ZBTB7C: variants seen among roughly 807,000 people sequenced by gnomAD.
ZBTB7C encodes the protein zinc finger and BTB domain-containing protein 7C.
In ZBTB7C, 8 loss-of-function variants were observed where a neutral mutation model predicts 25.7. That is an observed-to-expected ratio of 0.31 (90% CI 0.18 to 0.56). ZBTB7C has a LOEUF of 0.56. Ranked by LOEUF, ZBTB7C falls within the 20% of genes least tolerant of loss-of-function variation. The pLI is 0.91. For missense variants in ZBTB7C, 824 were observed against 855.2 expected, an observed-to-expected ratio of 0.96 and a Z score of 0.46; for synonymous variants, 394 against 369.0, an observed-to-expected ratio of 1.07 and a Z score of -0.78.
intron 1 of ZBTB7C, among the ~76,000 whole-genome samples, chr18:48,384,960 G>A (rs763875417): frequency 6.6e-6 from 1 of 152,204 alleles, no homozygotes; most frequent in African/African-American, 2.4e-5. Context: ...GGGATTACAG[G>A]CATGAGCCAC....
At chr18:48,226,153 C>T (rs2043086528) in intron 2 of ZBTB7C, among the ~76,000 whole-genome samples, 1 of 152,208 alleles carries the variant, frequency 6.6e-6, no homozygotes, top group Non-Finnish European at 1.5e-5. Context: ...CCATGTGGAG[C>T]CCAGCCCAAG....
intron 1 of ZBTB7C, among the ~76,000 whole-genome samples, chr18:48,355,575 GC>G (rs761654941): frequency 2.4e-4 from 37 of 152,258 alleles, no homozygotes; most frequent in Admixed American, 5.2e-4. Flanking sequence ...GGGCTTCCCA[GC>G]CTGCACACTA....
rs2047387730 is a variant in ZBTB7C, at chr18:48,371,532, T to C, written c.-303-33134A>G. ...CCTCCTGGCTGCCGGTTTTGGGACA[T>C]TTGTCCCTTAGCCTGGCATAAGAGC... is the stretch of plus-strand genomic sequence containing the variant. On this transcript the variant is annotated intron_variant, in intron 1 of 4. Coordinates refer to ENST00000590800, the MANE Select transcript of ZBTB7C (RefSeq NM_001318841.2). Among the ~76,000 whole-genome samples, 2 of 152,156 alleles carry C rather than the reference T, an allele frequency of 1.3e-5. 1 individual carries two copies. The highest frequency in any genetic ancestry group is 4.1e-4 in the South Asian group (2 of 4,824).
At position 48,157,625 on chromosome 18, in the gene ZBTB7C, C is replaced by T. The variant is rs577650412; in HGVS notation, c.-17+28309G>A. Among the ~76,000 whole-genome samples the T allele has an allele frequency of 3.3e-5, 5 of 152,272 alleles. No individual in the cohort carries two copies. In the East Asian group the frequency reaches 9.6e-4, roughly 29 times the overall value. On this transcript the variant is annotated intron_variant, in intron 3 of 4. Coordinates refer to ENST00000590800, the MANE Select transcript of ZBTB7C (RefSeq NM_001318841.2). ...GAAAGACAGCACTTAACAGCAGGGA[C>T]TCGAAGGCAGACTCTGCATCCTGGC...
intron 3 of ZBTB7C, among the ~76,000 whole-genome samples, chr18:48,176,336 G>C (rs2041677003): frequency 6.6e-6 from 1 of 152,212 alleles, no homozygotes; most frequent in African/African-American, 2.4e-5. Context: ...ACAAAGAAAG[G>C]CTGTGAAAAG....
At chr18:48,160,145 G>T (rs2040959243) in intron 3 of ZBTB7C, among the ~76,000 whole-genome samples, 1 of 152,180 alleles carries the variant, frequency 6.6e-6, no homozygotes, top group Non-Finnish European at 1.5e-5. Context: ...CAAAGATGAT[G>T]CCAGGCTCCG....
At chr18:48,316,956 C>G (rs770874051) in intron 2 of ZBTB7C, among the ~76,000 whole-genome samples, 1 of 152,178 alleles carries the variant, frequency 6.6e-6, no homozygotes. Flanking sequence ...AAATAATTCA[C>G]GCGAACTTGT....
chr18:48,405,138 G>C (rs1356183725), intron 1 of ZBTB7C, among the ~76,000 whole-genome samples: 2 of 151,952 alleles, frequency 1.3e-5, no homozygotes, highest in Admixed American at 1.3e-4. Flanking sequence ...ACCAACCCAG[G>C]GAAAAAATCT....
chr18:48,307,447 T>C (rs1456781103), intron 2 of ZBTB7C, among the ~76,000 whole-genome samples: 1 of 152,266 alleles, frequency 6.6e-6, no homozygotes, highest in Non-Finnish European at 1.5e-5. Context: ...CATGCCAAGA[T>C]GGGCTACCAA....
intron 3 of ZBTB7C, chr18:48,180,237 T>C: frequency 2.7e-6 from 1 of 375,720 alleles, no homozygotes; most frequent in Non-Finnish European, 5.4e-6. Context: ...CTTCCCTCCT[T>C]CCTTCCTTCC....
intron 3 of ZBTB7C, among the ~76,000 whole-genome samples, chr18:48,175,102 T>A (rs1455332056): frequency 6.6e-6 from 1 of 152,134 alleles, no homozygotes; most frequent in Non-Finnish European, 1.5e-5. Context: ...TTTTTAAAAA[T>A]TAATTTAATA....
chr18:48,328,181 C>CA (rs55654378), intron 2 of ZBTB7C, among the ~76,000 whole-genome samples: 1,505 of 58,012 alleles, frequency 0.026, 31 homozygotes, highest in African/African-American at 0.057. Context: ...GACTCTGTCT[C>CA]AAAAAAAAAA....
At chr18:48,336,254 A>C (rs537594889) in intron 2 of ZBTB7C, among the ~76,000 whole-genome samples, 387 of 152,124 alleles carry the variant, frequency 2.5e-3, no homozygotes, top group Non-Finnish European at 3.8e-3. Context: ...CAGGCCCCCA[A>C]CCCTGTTAGC....
chr18:48,029,266 G>C lies in ZBTB7C; in HGVS notation c.1854C>G (p.Asn618Lys), dbSNP rs2035619300. 1 of 1,537,922 alleles carries C rather than the reference G, an allele frequency of 6.5e-7. No individual in the cohort carries two copies. The change falls in exon 5 of 5, where the codon AAC becomes AAG. Residue 618 changes from asparagine to lysine, a missense_variant. Physicochemically the swap from Asn to Lys is moderately conservative, Grantham distance 94. Coordinates refer to ENST00000590800, the MANE Select transcript of ZBTB7C (RefSeq NM_001318841.2). ...GGAGCCGACAGGGACCAGCCTAGTT[G>C]TTGGCTTCGGACATGGAGGCCACGT... The part of the protein sequence containing the change: ...LNHVASMSEA[N>K]N
intron 1 of ZBTB7C, chr18:48,374,259 T>C (rs1335955391): frequency 1.3e-5 from 2 of 152,234 alleles, no homozygotes; most frequent in Non-Finnish European, 2.9e-5. Flanking sequence ...AGAGGATGTT[T>C]ACGAACACAC....
At chr18:48,406,552 A>C (rs116383139) in intron 1 of ZBTB7C, among the ~76,000 whole-genome samples, 222 of 152,336 alleles carry the variant, frequency 1.5e-3, no homozygotes, top group African/African-American at 5.1e-3. Context: ...AGTGAAAGGC[A>C]TCGTAACACT....
intron 2 of ZBTB7C, among the ~76,000 whole-genome samples, chr18:48,234,709 C>T (rs2043334767): frequency 6.6e-6 from 1 of 152,164 alleles, no homozygotes; most frequent in African/African-American, 2.4e-5. Context: ...CTACTTTAAA[C>T]ATCTTCATTG....
At chr18:48,154,868 T>C (rs1340893568) in intron 3 of ZBTB7C, among the ~76,000 whole-genome samples, 1 of 152,188 alleles carries the variant, frequency 6.6e-6, no homozygotes, top group Non-Finnish European at 1.5e-5. Flanking sequence ...TGCTAAATGC[T>C]CAAGTCCTAG....
intron 3 of ZBTB7C, among the ~76,000 whole-genome samples, chr18:48,091,244 T>TA (rs1489916851): frequency 2.9e-5 from 4 of 139,416 alleles, no homozygotes; most frequent in Non-Finnish European, 6.2e-5. Context: ...GATAATTTTT[T>TA]TTTTTTTTTT....
Sources: allele counts gnomAD v4.1 joint callset (sites outside exome capture counted in the v4.1 genomes callset), GRCh38; gene constraint gnomAD v4.1.1; transcripts MANE v1.5; gene names NCBI Gene and HGNC (gene_info 2026-07-23, HGNC 2026-07-21).